The following TAFA2 variants were observed in gnomAD, a reference collection of about 807,000 sequenced individuals.
TAFA2 encodes TAFA chemokine like family member 2, also known as chemokine-like protein TAFA-2.
TAFA2 carries 7 observed loss-of-function variants against 18.8 expected under a neutral mutation model. The ratio of observed to expected loss-of-function variants is 0.37; its 90% confidence interval spans 0.21 to 0.70. The LOEUF (loss-of-function observed/expected upper bound fraction) is 0.70. TAFA2 is among the 30% of genes least tolerant of loss of function. The probability of loss-of-function intolerance (pLI) is 0.53; values close to 1 mark genes in which losing one functional copy is unlikely to be tolerated. For missense variants in TAFA2, 122 were observed against 158.1 expected (o/e 0.77, Z 1.23); for synonymous variants, 60 against 54.2 (o/e 1.11, Z -0.47).
chr12:61,965,660 G>A (rs1163084033), intron 1 of TAFA2, among the ~76,000 whole-genome samples: 2 of 151,864 alleles, frequency 1.3e-5, no homozygotes, highest in African/African-American at 4.8e-5. Flanking sequence ...GCAGCAACAA[G>A]TAAGAAGTCT....
chr12:62,166,126 T>C (rs1185383276), intron 1 of TAFA2, among the ~76,000 whole-genome samples: 1 of 152,106 alleles, frequency 6.6e-6, no homozygotes, highest in East Asian at 1.9e-4. Flanking sequence ...AATTTTCTCA[T>C]CTTTTCTTAT....
chr12:61,742,471 T>C (rs1372373027), intron 4 of TAFA2, among the ~76,000 whole-genome samples: 1 of 152,144 alleles, frequency 6.6e-6, no homozygotes, highest in Admixed American at 6.5e-5. Context: ...ACTCTATTTC[T>C]GCATTCCCCC....
intron 1 of TAFA2, among the ~76,000 whole-genome samples, chr12:61,925,034 T>G (rs1416310050): frequency 6.6e-6 from 1 of 152,112 alleles, no homozygotes; most frequent in Non-Finnish European, 1.5e-5. Flanking sequence ...CAAGAAGACG[T>G]AACTATACTA....
rs7963835 is a variant in TAFA2 at position 62,243,729 on chromosome 12, C to T, written c.-130+15034G>A. Among the ~76,000 whole-genome samples the T allele has an allele frequency of 7.5e-3, 1,147 of 152,290 alleles. 14 individuals are homozygous for T. Among genetic ancestry groups the T allele is most frequent in the African/African-American group, 0.027 (1,110 of 41,550 alleles). Reference sequence around the variant, plus strand: ...GTTAACATCAAACAAAGTTAAGACACGAAAATGTCATTGAACCATTACAAC... The same window carrying T: ...GTTAACATCAAACAAAGTTAAGACATGAAAATGTCATTGAACCATTACAAC... On this transcript the variant is annotated intron_variant, in intron 1 of 5. Transcript: ENST00000551619.
At chr12:62,105,434 A>G (rs1285069870) in intron 1 of TAFA2, among the ~76,000 whole-genome samples, 1 of 152,198 alleles carries the variant, frequency 6.6e-6, no homozygotes, top group Admixed American at 6.5e-5. Flanking sequence ...ATGATAACCA[A>G]AGGGAAACAA....
chr12:61,738,540 T>C (rs2120688808), intron 4 of TAFA2, among the ~76,000 whole-genome samples: 1 of 152,186 alleles, frequency 6.6e-6, no homozygotes, highest in Non-Finnish European at 1.5e-5. Flanking sequence ...CCATAAGAGA[T>C]GTTGCTGAAA....
rs569157278 is a variant in TAFA2 at position 62,071,901 on chromosome 12, T to C, written c.-2+119358A>G. Among the ~76,000 whole-genome samples, 3 of 152,332 alleles carry C rather than the reference T, an allele frequency of 2.0e-5. No individual in the cohort carries two copies. In the South Asian group the frequency reaches 6.2e-4, roughly 32 times the overall value. ...AGTTGTGTTTTGGCTGTGTTCTTTT[T>C]GAGATGCCTAGAACATTAGTTCTTG... is the stretch of plus-strand genomic sequence containing the variant. On this transcript the variant is annotated intron_variant, in intron 1 of 4. Coordinates refer to ENST00000416284, the MANE Select transcript of TAFA2 (RefSeq NM_178539.5).
chr12:61,823,075 T>C (rs1299785454), intron 2 of TAFA2, among the ~76,000 whole-genome samples: 2 of 152,208 alleles, frequency 1.3e-5, no homozygotes, highest in South Asian at 2.1e-4. Context: ...GGCTAGCATA[T>C]ACATTAAAAA....
chr12:61,963,123 C>T (rs555888768), intron 1 of TAFA2, among the ~76,000 whole-genome samples: 3 of 152,028 alleles, frequency 2.0e-5, no homozygotes, highest in Admixed American at 1.3e-4. Flanking sequence ...TCCAGTCTAT[C>T]ATTGATGGTC....
intron 1 of TAFA2, among the ~76,000 whole-genome samples, chr12:61,949,454 T>G (rs1207896164): frequency 1.3e-5 from 2 of 152,036 alleles, no homozygotes; most frequent in African/African-American, 4.8e-5. Flanking sequence ...CCAGTACCTA[T>G]TATAATGACC....
intron 1 of TAFA2, among the ~76,000 whole-genome samples, chr12:62,220,989 C>T (rs1367334939): frequency 2.0e-5 from 3 of 151,890 alleles, no homozygotes; most frequent in Non-Finnish European, 2.9e-5. Context: ...CGCCTGTAGT[C>T]CCAGCTAGGG....
intron 1 of TAFA2, among the ~76,000 whole-genome samples, chr12:62,008,323 T>C (rs1880624370): frequency 6.6e-6 from 1 of 152,148 alleles, no homozygotes; most frequent in South Asian, 2.1e-4. Flanking sequence ...TATAAAAATA[T>C]CACATTACTG....
chr12:62,231,809 A>G (rs935168428), intron 1 of TAFA2, among the ~76,000 whole-genome samples: 4 of 152,318 alleles, frequency 2.6e-5, no homozygotes, highest in African/African-American at 9.6e-5. Flanking sequence ...AAAATTCAGT[A>G]TAGTGGTTAC....
chr12:62,013,654 G>T (rs1880838038), intron 1 of TAFA2, among the ~76,000 whole-genome samples: 1 of 152,142 alleles, frequency 6.6e-6, no homozygotes, highest in Admixed American at 6.5e-5. Context: ...AAGTTGTACA[G>T]AATCATTTAA....
chr12:61,928,095 G>A (rs1877385343), intron 1 of TAFA2, among the ~76,000 whole-genome samples: 2 of 152,146 alleles, frequency 1.3e-5, no homozygotes, highest in South Asian at 2.1e-4. Context: ...CACGACATAG[G>A]CATGGCCAAA....
At chr12:61,711,540 A>G (rs551647418) in intron 4 of TAFA2, among the ~76,000 whole-genome samples, 2 of 152,224 alleles carry the variant, frequency 1.3e-5, no homozygotes, top group South Asian at 4.1e-4. Flanking sequence ...GAAAAACATT[A>G]CAAAAGTCTG....
chr12:62,053,202 C>A (rs767265871), intron 1 of TAFA2, among the ~76,000 whole-genome samples: 2 of 152,094 alleles, frequency 1.3e-5, no homozygotes, highest in Admixed American at 1.3e-4. Flanking sequence ...ACATTTTCTC[C>A]AAGTAATAAT....
chr12:61,940,566 A>T (rs1877958992), intron 1 of TAFA2, among the ~76,000 whole-genome samples: 1 of 152,228 alleles, frequency 6.6e-6, no homozygotes, highest in Non-Finnish European at 1.5e-5. Context: ...GGTAACAATC[A>T]CATAGATTAC....
chr12:61,971,401 T>C (rs984669344), intron 1 of TAFA2, among the ~76,000 whole-genome samples: 1 of 151,736 alleles, frequency 6.6e-6, no homozygotes, highest in Non-Finnish European at 1.5e-5. Context: ...GACGAGTTAA[T>C]GGGTACAGCA....
Sources: allele counts gnomAD v4.1 joint callset (sites outside exome capture counted in the v4.1 genomes callset), GRCh38; gene constraint gnomAD v4.1.1; transcripts MANE v1.5; gene names NCBI Gene and HGNC (gene_info 2026-07-23, HGNC 2026-07-21).